Variants in CXADR observed in about 807,000 individuals in gnomAD.
The protein encoded by CXADR is coxsackievirus and adenovirus receptor.
In CXADR, 20 loss-of-function variants were observed where a neutral mutation model predicts 40.3. The observed-to-expected ratio is 0.50, with a 90% CI of 0.35 to 0.72. The LOEUF (loss-of-function observed/expected upper bound fraction) is 0.72. Ranked by LOEUF, CXADR falls within the 30% of genes least tolerant of loss-of-function variation. CXADR has a pLI of 0.01. For synonymous variants in CXADR, 150 were observed against 161.3 expected (o/e 0.93, Z 0.53); for missense variants, 332 against 449.1 (o/e 0.74, Z 2.36).
chr21:17,561,516 T>G (rs764713992), intron 6 of CXADR, 40 bp downstream of exon 6: 77 of 1,533,908 alleles, frequency 5.0e-5, no homozygotes, highest in Non-Finnish European at 6.7e-5. Context: ...GTATACCAAA[T>G]ATATGTCATT....
downstream of CXADR, among the ~76,000 whole-genome samples, chr21:17,597,931 T>C (rs2061524677): frequency 1.3e-5 from 2 of 152,112 alleles, no homozygotes; most frequent in African/African-American, 2.4e-5. Context: ...TAAGTAAAAA[T>C]AGATAACCTT....
At chr21:17,544,694 C>A (rs1040310820) in intron 1 of CXADR, among the ~76,000 whole-genome samples, 2 of 152,136 alleles carry the variant, frequency 1.3e-5, no homozygotes, top group Non-Finnish European at 2.9e-5. Flanking sequence ...CCTGGCACAT[C>A]CTGTTGGTCA....
At chr21:17,598,519 C>G (rs1247748413), downstream of CXADR, 1 of 1,009,890 alleles carries the variant, frequency 9.9e-7, no homozygotes, top group Admixed American at 2.7e-5. Context: ...TATCCAGAAT[C>G]TCAAGTCAGA....
At chr21:17,547,330 G>A (rs1321268711) in intron 2 of CXADR, 137 bp downstream of exon 2, 3 of 1,227,616 alleles carry the variant, frequency 2.4e-6, no homozygotes, top group East Asian at 2.5e-5. Context: ...TTATGGTCTG[G>A]GTGAGGAAGG....
chr21:17,552,530 T>C (rs1211715183), intron 3 of CXADR, among the ~76,000 whole-genome samples: 1 of 152,216 alleles, frequency 6.6e-6, no homozygotes, highest in Non-Finnish European at 1.5e-5. Flanking sequence ...CTACAGAGTT[T>C]ATTATCCTTC....
At chr21:17,606,196 G>A in the CXADR span, among the ~76,000 whole-genome samples, 2 of 152,220 alleles carry the variant, frequency 1.3e-5, no homozygotes, top group Admixed American at 6.5e-5. Flanking sequence ...CATCCTGTGA[G>A]TTAGATACTT....
chr21:17,572,363 C>T (rs1425122198), downstream of CXADR, among the ~76,000 whole-genome samples: 1 of 150,528 alleles, frequency 6.6e-6, no homozygotes, highest in African/African-American at 2.4e-5. Flanking sequence ...CAGGGTGAGA[C>T]TCCGTCTCAA....
chr21:17,589,900 C>T (rs1456460175), intron 7 of CXADR, among the ~76,000 whole-genome samples: 1 of 151,988 alleles, frequency 6.6e-6, no homozygotes, highest in Non-Finnish European at 1.5e-5. Context: ...TACACCCTCA[C>T]CAATATTGGG....
chr21:17,536,300 C>T (rs190454997), intron 1 of CXADR, among the ~76,000 whole-genome samples: 80 of 152,308 alleles, frequency 5.3e-4, no homozygotes, highest in African/African-American at 1.9e-3. Context: ...GATTTGCTAA[C>T]ATTTCTCATC....
the CXADR span, among the ~76,000 whole-genome samples, chr21:17,624,060 C>T: frequency 3.3e-5 from 5 of 152,016 alleles, no homozygotes; most frequent in Admixed American, 2.0e-4. Context: ...ATGCCTCTGC[C>T]CCAAACCCCC....
the CXADR span, among the ~76,000 whole-genome samples, chr21:17,615,242 A>G: frequency 1.3e-5 from 2 of 152,136 alleles, no homozygotes; most frequent in Admixed American, 6.5e-5. Flanking sequence ...GCATACCTTC[A>G]CCAGACACTG....
chr21:17,555,465 T>A (rs1317649253), intron 3 of CXADR, among the ~76,000 whole-genome samples: 9 of 152,254 alleles, frequency 5.9e-5, no homozygotes, highest in African/African-American at 1.9e-4. Context: ...TCCCCTAATG[T>A]TAACATCTTA....
chr21:17,610,525 A>T, the CXADR span, among the ~76,000 whole-genome samples: 1 of 152,238 alleles, frequency 6.6e-6, no homozygotes, highest in Non-Finnish European at 1.5e-5. Context: ...AGATTTAGCT[A>T]CATTTTGGAT....
At chr21:17,593,833 G>A (rs188071848), downstream of CXADR, 5 of 421,116 alleles carry the variant, frequency 1.2e-5, no homozygotes, top group Admixed American at 1.7e-4. Context: ...CAGAGTTGAT[G>A]CACAATATAT....
chr21:17,555,843 A>G (rs559923940), intron 3 of CXADR, among the ~76,000 whole-genome samples: 1 of 152,310 alleles, frequency 6.6e-6, no homozygotes, highest in East Asian at 1.9e-4. Flanking sequence ...ATCTATTGAT[A>G]GATTTTGCCT....
At chr21:17,518,602 G>A in intron 1 of CXADR, 1 of 1,428,222 alleles carries the variant, frequency 7.0e-7, no homozygotes, top group East Asian at 2.3e-5. Flanking sequence ...AGTGTCTTCT[G>A]GTTTTGCTGC....
intron 1 of CXADR, among the ~76,000 whole-genome samples, chr21:17,534,032 A>ATATATATATATATATATATATAGC (rs1555864957): frequency 4.9e-5 from 4 of 81,402 alleles, no homozygotes; most frequent in African/African-American, 2.1e-4. Context: ...ATATATAGCT[A>ATATATATATATATATATATATAGC]TATATATATA....
intron 6 of CXADR, among the ~76,000 whole-genome samples, chr21:17,561,864 T>C (rs1329586892): frequency 1.3e-5 from 2 of 152,202 alleles, no homozygotes; most frequent in Admixed American, 1.3e-4. Flanking sequence ...ATAATTTTTA[T>C]TTTCCTTAAA....
At chr21:17,540,894 C>T (rs2824339) in intron 1 of CXADR, among the ~76,000 whole-genome samples, 26,074 of 151,974 alleles carry the variant, frequency 0.17, 2,475 homozygotes, top group East Asian at 0.23. Context: ...AAATATGTTA[C>T]GTTATTCTAA....
Sources: gnomAD v4.1 joint callset for allele counts (sites outside exome capture counted in the v4.1 genomes callset) on GRCh38, gnomAD v4.1.1 for gene constraint, MANE v1.5 for transcripts, NCBI Gene and HGNC (gene_info 2026-07-23, HGNC 2026-07-21) for gene names.